The following BRWD1 variants were observed in gnomAD, a reference collection of about 807,000 sequenced individuals.
The protein encoded by BRWD1 is bromodomain and WD repeat domain containing 1.
Under a neutral mutation model 251.2 loss-of-function variants are expected in BRWD1, and 82 were observed. The observed-to-expected ratio is 0.33, with a 90% confidence interval of 0.27 to 0.39. The LOEUF (loss-of-function observed/expected upper bound fraction) is 0.39, where lower values mean the gene tolerates loss of function less well. Among genes scored for constraint, BRWD1 ranks in the 10% least tolerant of loss-of-function variants. BRWD1 has a pLI of 1.00. For synonymous variants in BRWD1, 918 were observed against 902.8 expected, an observed-to-expected ratio of 1.02 and a Z score of -0.30; for missense variants, 2,233 against 2,711.6, an observed-to-expected ratio of 0.82 and a Z score of 3.92.
Position 39,229,296 on chromosome 21 carries a change from A to T in BRWD1, c.3125+16T>A, listed in dbSNP as rs2146544427. 1.3e-6 allele frequency: 2 copies of T among 1,562,516 alleles called. No homozygotes were observed. Among genetic ancestry groups the T allele is most frequent in the Non-Finnish European group, 8.7e-7 (1 of 1,143,516 alleles). On this transcript the variant is annotated intron_variant, in intron 26 of 40. Coordinates refer to ENST00000342449, the MANE Select transcript of BRWD1 (RefSeq NM_033656.4). ...ATTTAAATTTAAGTAATTCCATTTT[A>T]AAAAATAATACATACCTAATAGAGA...
At chr21:39,304,601 G>A (rs1182980865) in intron 4 of BRWD1, among the ~76,000 whole-genome samples, 1 of 133,750 alleles carries the variant, frequency 7.5e-6, no homozygotes, top group Non-Finnish European at 1.6e-5. Context: ...GCAACAAAGT[G>A]AGAACTTGTC....
intron 13 of BRWD1, among the ~76,000 whole-genome samples, chr21:39,273,561 T>C (rs912890396): frequency 2.0e-5 from 3 of 152,062 alleles, no homozygotes; most frequent in Non-Finnish European, 4.4e-5. Context: ...TGAACAAAAG[T>C]CTTTACAAAA....
At chr21:39,273,009 TTACA>T (rs1430123413) in intron 13 of BRWD1, among the ~76,000 whole-genome samples, 1 of 152,190 alleles carries the variant, frequency 6.6e-6, no homozygotes, top group Non-Finnish European at 1.5e-5. Context: ...CAATCAATTC[TTACA>T]TACAGAAGAC....
upstream of BRWD1, chr21:39,313,907 GGCAGCGCGACGCCGGGTGGCCCA>G (rs2036622773): frequency 6.3e-6 from 2 of 317,408 alleles, no homozygotes; most frequent in South Asian, 4.7e-5. Context: ...TTTGTGAGGC[GGCAGCGCGACGCCGGGTGGCCCA>G]GCAGCGGGCG....
At chr21:39,292,794 T>G (rs2035853686) in intron 8 of BRWD1, among the ~76,000 whole-genome samples, 1 of 152,228 alleles carries the variant, frequency 6.6e-6, no homozygotes, top group Non-Finnish European at 1.5e-5. Flanking sequence ...TATTTTAAGT[T>G]TCTTTTATTC....
intron 19 of BRWD1, among the ~76,000 whole-genome samples, chr21:39,252,041 T>C (rs1413531047): frequency 1.3e-5 from 2 of 151,920 alleles, no homozygotes; most frequent in Non-Finnish European, 2.9e-5. Flanking sequence ...CCAAGGTACA[T>C]GGATCACCTG....
chr21:39,229,389 G>C lies in BRWD1; in HGVS notation c.3048C>G (p.Pro1016=). ...CTAGTTTTAGGCAACAGAGTGTAGG[G>C]GGCCCAACTTCATATCGTATTCCAA... ...KIVGIRYEVG[P]PTLCCLKLAF... The change falls in exon 26 of 41, where the codon CCC becomes CCG. Residue 1016 remains proline, a synonymous_variant. Coordinates refer to ENST00000342449, the MANE Select transcript of BRWD1 (RefSeq NM_033656.4). 1 of 1,610,488 alleles carries C rather than the reference G, an allele frequency of 6.2e-7. No homozygotes were observed. The highest frequency in any genetic ancestry group is 1.7e-5 in the Admixed American group (1 of 59,920).
chr21:39,237,499 C>T (rs2146569314), intron 22 of BRWD1, among the ~76,000 whole-genome samples: 1 of 152,238 alleles, frequency 6.6e-6, no homozygotes, highest in African/African-American at 2.4e-5. Context: ...CTATCAAATA[C>T]ACAGGTAAAC....
chr21:39,252,573 C>T (rs572038096), intron 19 of BRWD1, among the ~76,000 whole-genome samples: 3 of 152,350 alleles, frequency 2.0e-5, no homozygotes, highest in Non-Finnish European at 4.4e-5. Flanking sequence ...ATGATCACCA[C>T]ATCTCAATCA....
At chr21:39,275,859 C>T (rs1438037271) in intron 12 of BRWD1, among the ~76,000 whole-genome samples, 3 of 151,930 alleles carry the variant, frequency 2.0e-5, no homozygotes, top group Non-Finnish European at 1.5e-5. Context: ...ATGGAGGAAC[C>T]CCGTCTCTAC....
intron 20 of BRWD1, among the ~76,000 whole-genome samples, chr21:39,249,575 C>T (rs770530735): frequency 4.6e-5 from 7 of 151,942 alleles, no homozygotes; most frequent in South Asian, 4.2e-4. Flanking sequence ...ATGAGATTAC[C>T]CAATGAGAGC....
chr21:39,301,978 G>GTTTTTTTTTTTTTTTTTTTTT (rs750413248), intron 4 of BRWD1, among the ~76,000 whole-genome samples: 2 of 79,866 alleles, frequency 2.5e-5, no homozygotes, highest in Non-Finnish European at 2.2e-5. Context: ...AGCTTTGTGT[G>GTTTTTTTTTTTTTTTTTTTTT]TTTTTTTTTT....
intron 4 of BRWD1, among the ~76,000 whole-genome samples, chr21:39,301,883 T>C (rs776304666): frequency 6.0e-4 from 84 of 140,208 alleles, no homozygotes; most frequent in Non-Finnish European, 1.2e-3. Flanking sequence ...TAGAACATCT[T>C]TACTGTGCCG....
At chr21:39,312,530 A>C in intron 4 of BRWD1, 1 of 263,624 alleles carries the variant, frequency 3.8e-6, no homozygotes, top group Non-Finnish European at 7.4e-6. Context: ...GCCCAGTTGA[A>C]TGGCTGGCTG....
At chr21:39,290,920 C>G (rs576858708) in intron 8 of BRWD1, among the ~76,000 whole-genome samples, 2 of 152,146 alleles carry the variant, frequency 1.3e-5, no homozygotes, top group Admixed American at 1.3e-4. Flanking sequence ...CTGCTTGATC[C>G]TAGGAATTCA....
chr21:39,286,263 C>T (rs1198904969), intron 8 of BRWD1, among the ~76,000 whole-genome samples: 1 of 152,056 alleles, frequency 6.6e-6, no homozygotes, highest in Non-Finnish European at 1.5e-5. Context: ...CGTGATCTGC[C>T]CGCCTCGGCC....
chr21:39,228,785 A>C (rs2033488024), intron 26 of BRWD1, among the ~76,000 whole-genome samples: 2 of 152,168 alleles, frequency 1.3e-5, no homozygotes, highest in African/African-American at 4.8e-5. Context: ...TCAAAACAAA[A>C]TAGAGATCTG....
Position 39,187,985 on chromosome 21 carries a change from T to C in BRWD1, c.*8274A>G. On this transcript the variant is annotated 3_prime_UTR_variant, in exon 41 of 41. Coordinates refer to ENST00000342449, the MANE Select transcript of BRWD1 (RefSeq NM_033656.4). ...ACAAAAAGCACTTTGGAGAGTTAAC[T>C]ACTTCATGCAGACTAAGGCAGTTTT... is the stretch of plus-strand genomic sequence containing the variant. 1 of 985,334 alleles carries C rather than the reference T, an allele frequency of 1.0e-6. No individual in the cohort carries two copies. The highest frequency in any genetic ancestry group is 5.2e-4 in the Middle Eastern group (1 of 1,914). 61.0% of individuals were successfully genotyped at this position (985,334 alleles called of 1,614,324 possible).
At chr21:39,283,007 A>G (rs1253781871) in intron 8 of BRWD1, among the ~76,000 whole-genome samples, 1 of 152,060 alleles carries the variant, frequency 6.6e-6, no homozygotes, top group African/African-American at 2.4e-5. Flanking sequence ...CCATGAAAGA[A>G]TATGTTTAAG....
Sources: allele counts gnomAD v4.1 joint callset (sites outside exome capture counted in the v4.1 genomes callset), GRCh38; gene constraint gnomAD v4.1.1; transcripts MANE v1.5; gene names NCBI Gene and HGNC (gene_info 2026-07-23, HGNC 2026-07-21).